Variants in HEATR4 observed in about 807,000 individuals in gnomAD.
The protein encoded by HEATR4 is HEAT repeat containing 4, also known as HEAT repeat-containing protein 4.
A neutral mutation model predicts 108.8 loss-of-function variants in HEATR4; 95 were observed. The ratio of observed to expected loss-of-function variants is 0.87; its 90% CI spans 0.74 to 1.04. The LOEUF (loss-of-function observed/expected upper bound fraction) is 1.04. HEATR4 is among the 50% of genes least tolerant of loss of function. HEATR4 has a pLI of 0.00. For missense variants in HEATR4, 1,152 were observed against 1,253.8 expected (o/e 0.92, Z 1.23); for synonymous variants, 443 against 459.4 (o/e 0.96, Z 0.46).
Position 73,500,706 on chromosome 14 carries a change from G to T in HEATR4, c.2130C>A (p.Ser710=). 6.2e-7 allele frequency: 1 copy of T among 1,613,966 alleles called. No homozygotes were observed. The highest frequency in any genetic ancestry group is 8.5e-7 in the Non-Finnish European group (1 of 1,179,964). ...GGTAGAGAGCTTCCACACGCTCCTG[G>T]GAATTTCCTTGACCTAGCTTGACCC... ...IIRVKLGQGN[S]QERVEALYLI... The change falls in exon 12 of 18, where the codon TCC becomes TCA. Residue 710 remains serine (S), a synonymous_variant. Coordinates refer to ENST00000553558, the MANE Select transcript of HEATR4 (RefSeq NM_001220484.1).
chr14:73,603,169 G>A, the HEATR4 span, among the ~76,000 whole-genome samples: 2 of 152,184 alleles, frequency 1.3e-5, no homozygotes, highest in East Asian at 1.9e-4. Flanking sequence ...AGCTGGGGGC[G>A]TGGTTAATTC....
the HEATR4 span, chr14:73,592,038 GC>G: frequency 6.9e-7 from 1 of 1,458,400 alleles, no homozygotes; most frequent in South Asian, 1.4e-5. Context: ...GCGCGGCCTG[GC>G]CCCGGAGCAG....
intron 2 of HEATR4, among the ~76,000 whole-genome samples, chr14:73,525,018 GT>G (rs928979401): frequency 1.3e-5 from 2 of 151,612 alleles, no homozygotes; most frequent in Non-Finnish European, 2.9e-5. Context: ...TTTTTTGTGT[GT>G]TTTTTTTCTT....
At chr14:73,563,151 C>T (rs559373621), upstream of HEATR4, among the ~76,000 whole-genome samples, 20 of 151,032 alleles carry the variant, frequency 1.3e-4, no homozygotes, top group East Asian at 3.9e-4. Context: ...ATGTCACCCC[C>T]AGCGGCCCAG....
chr14:73,588,783 TTTC>T, the HEATR4 span, among the ~76,000 whole-genome samples: 1 of 152,044 alleles, frequency 6.6e-6, no homozygotes, highest in African/African-American at 2.4e-5. Context: ...TACATTTACT[TTTC>T]TTTTTTGTGT....
chr14:73,479,011 T>C (rs1885132199), intron 17 of HEATR4, among the ~76,000 whole-genome samples, 169 bp from the exon 18 acceptor site: 1 of 152,072 alleles, frequency 6.6e-6, no homozygotes, highest in East Asian at 1.9e-4. Flanking sequence ...CAATCTCGGC[T>C]TACTGCAATC....
At chr14:73,501,324 A>C (rs1886444991) in intron 11 of HEATR4, among the ~76,000 whole-genome samples, 2 of 151,846 alleles carry the variant, frequency 1.3e-5, no homozygotes, top group Non-Finnish European at 2.9e-5. Flanking sequence ...ATGGGGTTTC[A>C]CTATGTTAGC....
chr14:73,526,955 G>A (rs1888379306), intron 2 of HEATR4, among the ~76,000 whole-genome samples: 1 of 152,160 alleles, frequency 6.6e-6, no homozygotes, highest in African/African-American at 2.4e-5. Flanking sequence ...ATTCCTGACT[G>A]GGGGAAAGAG....
chr14:73,506,802 C>CTTTTTTTTTTTTTTTT (rs1470976246), intron 9 of HEATR4, among the ~76,000 whole-genome samples: 2 of 58,024 alleles, frequency 3.4e-5, no homozygotes, highest in Non-Finnish European at 5.7e-5. Flanking sequence ...CTGACTTTAA[C>CTTTTTTTTTTTTTTTT]TGTTTTTTTT....
chr14:73,627,838 C>T, the HEATR4 span, among the ~76,000 whole-genome samples: 14 of 150,292 alleles, frequency 9.3e-5, no homozygotes, highest in Admixed American at 2.0e-4. Context: ...TTTTTTGAGA[C>T]GGAATCTTAC....
rs1255479054 is a variant in HEATR4, at chr14:73,541,391, G to T, written c.-151-11147C>A. ...TGGGTAGATACCTAGGAGTGGGATT[G>T]CTGGGTCACATGTGTGGTAAGTATA... On this transcript the variant is annotated intron_variant, in intron 1 of 17. Transcript: ENST00000553558. 5.1e-6 allele frequency: 5 copies of T among 982,312 alleles called. 2 individuals are homozygous for T. Among genetic ancestry groups the T allele is most frequent in the Admixed American group, 5.0e-5 (2 of 39,648 alleles). 60.8% of individuals were successfully genotyped at this position (982,312 alleles called of 1,614,324 possible).
chr14:73,571,041 G>C, the HEATR4 span: 2 of 151,082 alleles, frequency 1.3e-5, no homozygotes, highest in South Asian at 4.2e-4. Flanking sequence ...GCAGCTAGGA[G>C]GTGCCAGGTG....
chr14:73,590,832 T>A, the HEATR4 span, among the ~76,000 whole-genome samples: 3 of 152,012 alleles, frequency 2.0e-5, no homozygotes, highest in East Asian at 5.8e-4. Flanking sequence ...CACCTCCCAG[T>A]AAGCTGAGGG....
At chr14:73,613,862 T>G in the HEATR4 span, among the ~76,000 whole-genome samples, 2 of 152,018 alleles carry the variant, frequency 1.3e-5, no homozygotes, top group African/African-American at 4.8e-5. Context: ...GATTAATCCC[T>G]TCTAACTAAA....
chr14:73,523,557 T>C (rs1888106053), intron 2 of HEATR4, among the ~76,000 whole-genome samples: 1 of 152,248 alleles, frequency 6.6e-6, no homozygotes, highest in Non-Finnish European at 1.5e-5. Flanking sequence ...GTTCAGACTA[T>C]TCAGCATGGC....
chr14:73,560,661 C>CA (rs11448429), upstream of HEATR4, among the ~76,000 whole-genome samples: 47,638 of 120,188 alleles, frequency 0.4, 8,808 homozygotes, highest in East Asian at 0.59. Context: ...GACTCCATCT[C>CA]AAAAAAAAAA....
the HEATR4 span, among the ~76,000 whole-genome samples, chr14:73,630,582 A>G: frequency 5.3e-5 from 8 of 152,166 alleles, no homozygotes; most frequent in Non-Finnish European, 4.4e-5. Flanking sequence ...GGCTTCTCTG[A>G]GCTTCATTCC....
In HEATR4 at chr14:73,548,962, T is replaced by C. The variant is rs1208347197; in HGVS notation, c.-152+9789A>G. Among the ~76,000 whole-genome samples the C allele has an allele frequency of 1.8e-5, 2 of 113,382 alleles. 1 individual carries two copies. The highest frequency in any genetic ancestry group is 5.7e-5 in the African/African-American group (2 of 34,886). The allele number at this position is 113,382 out of a possible 152,430, so 74.4% of individuals were successfully genotyped here. A position where few individuals can be genotyped will look rare whatever the true frequency, so the allele number is the denominator to read the frequency against. ...TCTCTCTCTCTCTCTTTTTTTTTTT[T>C]CTGGTGGTGAGGACACTTGTCTTAG... On this transcript the variant is annotated intron_variant, in intron 1 of 17. Transcript: ENST00000553558.
chr14:73,579,105 A>AG, the HEATR4 span, among the ~76,000 whole-genome samples: 2 of 150,386 alleles, frequency 1.3e-5, no homozygotes, highest in African/African-American at 4.9e-5. Context: ...AAAAAAAAAA[A>AG]AACAGCCAGG....
Sources: gnomAD v4.1 joint callset for allele counts (sites outside exome capture counted in the v4.1 genomes callset) on GRCh38, gnomAD v4.1.1 for gene constraint, MANE v1.5 for transcripts, NCBI Gene and HGNC (gene_info 2026-07-23, HGNC 2026-07-21) for gene names.